ZDHHC20: variants seen among roughly 807,000 people sequenced by gnomAD.
The protein encoded by ZDHHC20 is zDHHC palmitoyltransferase 20.
A neutral mutation model predicts 57.8 loss-of-function variants in ZDHHC20; 43 were observed. That is an observed-to-expected ratio of 0.74 (90% CI 0.58 to 0.96). The LOEUF is 0.96. Among genes scored for constraint, ZDHHC20 ranks in the 40% least tolerant of loss-of-function variants. The pLI is 0.00. For missense variants in ZDHHC20, 391 were observed against 441.1 expected (o/e 0.89, Z 1.02); for synonymous variants, 157 against 153.0 (o/e 1.03, Z -0.19).
rs1273521279 is a variant in ZDHHC20 at position 21,375,501 on chromosome 13, G to C, written c.*1195C>G. On this transcript the variant is annotated 3_prime_UTR_variant, in exon 13 of 13. Transcript: ENST00000400590. ...AAGGAGAAATGTGTCTAGTCATAAA[G>C]GGGTTGCCGTTAGGAAGTCAGACTT... 5.3e-6 allele frequency: 1 copy of C among 189,010 alleles called. No homozygotes were observed. Among genetic ancestry groups the C allele is most frequent in the Non-Finnish European group, 1.1e-5 (1 of 90,798 alleles). 11.7% of individuals were successfully genotyped at this position (189,010 alleles called of 1,614,324 possible).
At chr13:21,410,662 G>A (rs982729894) in intron 4 of ZDHHC20, among the ~76,000 whole-genome samples, 1 of 152,196 alleles carries the variant, frequency 6.6e-6, no homozygotes, top group Admixed American at 6.5e-5. Flanking sequence ...TACACTGTGA[G>A]GGGAAAATCC....
At chr13:21,441,411 A>G (rs1406786128) in intron 1 of ZDHHC20, among the ~76,000 whole-genome samples, 2 of 146,982 alleles carry the variant, frequency 1.4e-5, no homozygotes, top group Non-Finnish European at 3.0e-5. Flanking sequence ...TTTGAGACGG[A>G]GTCTAGCACT....
intron 5 of ZDHHC20, among the ~76,000 whole-genome samples, 163 bp from the exon 6 acceptor site, chr13:21,401,848 A>G (rs1445499796): frequency 6.6e-6 from 1 of 152,318 alleles, no homozygotes; most frequent in African/African-American, 2.4e-5. Flanking sequence ...TTCCACAAGA[A>G]TGTTCATAGG....
At chr13:21,445,994 G>A (rs1883657846) in intron 1 of ZDHHC20, among the ~76,000 whole-genome samples, 1 of 152,220 alleles carries the variant, frequency 6.6e-6, no homozygotes, top group Non-Finnish European at 1.5e-5. Flanking sequence ...GGAAGTTCAA[G>A]GGTCCTCAGG....
At chr13:21,377,874 C>G (rs769555618) in intron 12 of ZDHHC20, 16 of 152,502 alleles carry the variant, frequency 1.0e-4, no homozygotes, top group African/African-American at 3.8e-4. Flanking sequence ...ATGATAAATG[C>G]GATAAGCTCC....
At chr13:21,458,447 A>G (rs1885098785) in intron 1 of ZDHHC20, among the ~76,000 whole-genome samples, 1 of 152,200 alleles carries the variant, frequency 6.6e-6, no homozygotes, top group Non-Finnish European at 1.5e-5. Flanking sequence ...GGCTGGATTC[A>G]GAGTAGAAAT....
rs749278556 is a variant in ZDHHC20, at chr13:21,387,518, T to A, written c.844A>T (p.Ile282Leu). 2.0e-6 allele frequency: 3 copies of A among 1,531,122 alleles called. No individual in the cohort carries two copies. The highest frequency in any genetic ancestry group is 2.8e-5 in the African/African-American group (2 of 72,196). 94.8% of individuals were successfully genotyped at this position (1,531,122 alleles called of 1,614,324 possible). ...CATTTTATAAATTACCTTGAAAATA[T>A]TGGAAGTAGCCAATATTTCTTTTCA... ...GDEKKYWLLP[I>L]FSSLGDGCSF... is the part of the protein sequence containing the mutation. Residue 282 changes from isoleucine to leucine, a missense_variant, in exon 9 of 13, where the codon ATA becomes TTA. By Grantham distance (5) the Ile-to-Leu change is conservative (BLOSUM62 2). Transcript: ENST00000400590.
chr13:21,413,132 G>A (rs909464976), intron 4 of ZDHHC20, among the ~76,000 whole-genome samples: 1 of 152,082 alleles, frequency 6.6e-6, no homozygotes, highest in African/African-American at 2.4e-5. Context: ...TTACAGTCAT[G>A]GATCTCAGTG....
At chr13:21,457,077 T>G (rs1884988864) in intron 1 of ZDHHC20, among the ~76,000 whole-genome samples, 1 of 152,180 alleles carries the variant, frequency 6.6e-6, no homozygotes, top group Non-Finnish European at 1.5e-5. Context: ...GAATGAAATG[T>G]CCCCTCTATG....
chr13:21,442,107 T>C (rs1022388250), intron 1 of ZDHHC20, among the ~76,000 whole-genome samples: 1 of 152,222 alleles, frequency 6.6e-6, no homozygotes, highest in African/African-American at 2.4e-5. Context: ...TTATCAAGAA[T>C]GGATGTGTTG....
intron 1 of ZDHHC20, among the ~76,000 whole-genome samples, chr13:21,455,633 GGTGTGTGTGTGTGT>G (rs3070118): frequency 0.051 from 7,535 of 148,138 alleles, 216 homozygotes; most frequent in Non-Finnish European, 0.061. Flanking sequence ...CCAGTGAAGT[GGTGTGTGTGTGTGT>G]GTGTGTGTGT....
intron 1 of ZDHHC20, among the ~76,000 whole-genome samples, chr13:21,443,797 A>G (rs1883415866): frequency 6.6e-6 from 1 of 152,240 alleles, no homozygotes; most frequent in Non-Finnish European, 1.5e-5. Context: ...TTAAAATATT[A>G]TCTGCCAACA....
chr13:21,425,508 TCTC>T (rs1165965348), intron 2 of ZDHHC20, 141 bp downstream of exon 2: 1 of 534,796 alleles, frequency 1.9e-6, no homozygotes, highest in Non-Finnish European at 2.9e-6. Flanking sequence ...CATTACTAGA[TCTC>T]CTTTTAATTA....
intron 1 of ZDHHC20, among the ~76,000 whole-genome samples, chr13:21,439,886 G>T (rs1882943494): frequency 6.6e-6 from 1 of 151,928 alleles, no homozygotes; most frequent in Non-Finnish European, 1.5e-5. Flanking sequence ...GGCCAACATG[G>T]TGAAACCCCA....
intron 1 of ZDHHC20, among the ~76,000 whole-genome samples, chr13:21,426,906 C>A (rs1457511105): frequency 6.6e-6 from 1 of 152,168 alleles, no homozygotes; most frequent in Non-Finnish European, 1.5e-5. Context: ...CCGCGCCAGG[C>A]CCTCTCTAGT....
chr13:21,421,456 G>A (rs780777424), intron 2 of ZDHHC20, among the ~76,000 whole-genome samples: 2 of 152,054 alleles, frequency 1.3e-5, no homozygotes, highest in African/African-American at 4.8e-5. Context: ...CTTTCTTCAC[G>A]CACTATATTT....
chr13:21,459,146 C>G lies in ZDHHC20; in HGVS notation c.26G>C (p.Cys9Ser). The change falls in exon 1 of 13, where the codon TGC (cysteine) becomes TCC (serine). Residue 9 changes from cysteine (C) to serine (S), a missense_variant. By Grantham distance (112) the Cys-to-Ser change is moderately radical (BLOSUM62 -1). Coordinates refer to ENST00000400590, the MANE Select transcript of ZDHHC20 (RefSeq NM_001330059.2). Reference protein sequence around the residue: MAPWTLWRCCQRVVGWVPV... With the variant: MAPWTLWRSCQRVVGWVPV... ...CACCCAGCCCACGACGCGCTGGCAG[C>G]AGCGCCACAGCGTCCAGGGCGCCAT... 1 of 1,603,570 alleles carries G rather than the reference C, an allele frequency of 6.2e-7. No homozygotes were observed. Among genetic ancestry groups the G allele is most frequent in the East Asian group, 2.3e-5 (1 of 44,096 alleles).
chr13:21,377,271 C>A, intron 12 of ZDHHC20: 1 of 113,806 alleles, frequency 8.8e-6, no homozygotes, highest in African/African-American at 3.2e-5. Context: ...TGCCTGCGAT[C>A]TGACTCTGCC....
At chr13:21,448,619 G>A (rs865880209) in intron 1 of ZDHHC20, among the ~76,000 whole-genome samples, 12 of 78,382 alleles carry the variant, frequency 1.5e-4, no homozygotes, top group Admixed American at 4.9e-4. Context: ...CTGCCCGGCC[G>A]GCCGCCCCGT....
Sources: gnomAD v4.1 joint callset for allele counts (sites outside exome capture counted in the v4.1 genomes callset) on GRCh38, gnomAD v4.1.1 for gene constraint, MANE v1.5 for transcripts, NCBI Gene and HGNC (gene_info 2026-07-23, HGNC 2026-07-21) for gene names.